The following SLC2A9 variants were observed in gnomAD, a reference collection of about 807,000 sequenced individuals.
SLC2A9 encodes the protein solute carrier family 2, facilitated glucose transporter member 9.
SLC2A9 carries 39 observed loss-of-function variants against 50.6 expected under a neutral mutation model. The observed-to-expected ratio is 0.77, with a 90% CI of 0.60 to 1.01. The LOEUF (loss-of-function observed/expected upper bound fraction) is 1.01. Ranked by LOEUF, SLC2A9 falls within the 50% of genes least tolerant of loss-of-function variation. The pLI is 0.00. For synonymous variants in SLC2A9, 324 were observed against 276.9 expected (o/e 1.17, Z -1.69); for missense variants, 686 against 677.6 (o/e 1.01, Z -0.14).
intron 3 of SLC2A9, among the ~76,000 whole-genome samples, chr4:9,802,640 C>A (rs1203560572): frequency 1.4e-5 from 2 of 148,004 alleles, no homozygotes; most frequent in Non-Finnish European, 3.0e-5. Flanking sequence ...CGGCTCACTG[C>A]AAACCTTTAC....
chr4:9,798,777 A>C (rs1720922510), downstream of SLC2A9: 1 of 152,224 alleles, frequency 6.6e-6, no homozygotes. Context: ...CCAAGGCTCC[A>C]TTTCTAACTC....
At chr4:9,962,675 G>A (rs764201638) in intron 5 of SLC2A9, among the ~76,000 whole-genome samples, 37 of 152,128 alleles carry the variant, frequency 2.4e-4, no homozygotes, top group East Asian at 1.4e-3. Context: ...ATGTTTACCC[G>A]TGTAACAAAC....
upstream of SLC2A9, among the ~76,000 whole-genome samples, chr4:10,023,972 C>T (rs1479072013): frequency 2.0e-5 from 3 of 152,208 alleles, no homozygotes; most frequent in Admixed American, 1.3e-4. Context: ...GGCTGGGGCA[C>T]GTTCTGCCTG....
chr4:9,805,335 G>A (rs995557667), intron 3 of SLC2A9, among the ~76,000 whole-genome samples: 1 of 152,182 alleles, frequency 6.6e-6, no homozygotes, highest in East Asian at 1.9e-4. Flanking sequence ...CTGCTCAGAC[G>A]CAACACACAT....
intron 10 of SLC2A9, among the ~76,000 whole-genome samples, chr4:9,886,468 G>C (rs1349956444): frequency 7.9e-6 from 1 of 126,576 alleles, no homozygotes; most frequent in Non-Finnish European, 1.6e-5. Flanking sequence ...GTGTGTGTGT[G>C]TGTGTGCTGT....
At chr4:10,039,659 C>T (rs1182816766) in intron 1 of SLC2A9, among the ~76,000 whole-genome samples, 2 of 152,172 alleles carry the variant, frequency 1.3e-5, no homozygotes, top group African/African-American at 4.8e-5. Flanking sequence ...CACTGTCATC[C>T]TCCTGGTCCA....
chr4:10,033,008 C>T (rs965738867), intron 1 of SLC2A9, among the ~76,000 whole-genome samples: 4 of 152,284 alleles, frequency 2.6e-5, no homozygotes, highest in African/African-American at 9.6e-5. Flanking sequence ...CCGAGCTGTT[C>T]ACTAAACCTT....
chr4:10,037,158 C>T (rs969068889), intron 1 of SLC2A9, among the ~76,000 whole-genome samples: 2 of 152,178 alleles, frequency 1.3e-5, no homozygotes, highest in African/African-American at 2.4e-5. Flanking sequence ...TACAATTTAA[C>T]GGTTTTTAGT....
intron 8 of SLC2A9, among the ~76,000 whole-genome samples, chr4:9,904,733 TTCAGAGTAGCC>T (rs1366852041): frequency 6.6e-6 from 1 of 152,206 alleles, no homozygotes; most frequent in Non-Finnish European, 1.5e-5. Context: ...AGGATTTGAA[TTCAGAGTAGCC>T]TCATCCTAAA....
chr4:10,000,528 T>C (rs1324028804), intron 2 of SLC2A9, among the ~76,000 whole-genome samples: 2 of 152,278 alleles, frequency 1.3e-5, no homozygotes, highest in East Asian at 3.9e-4. Flanking sequence ...TCTGGTTGCT[T>C]CACTCTGCTT....
In SLC2A9 at chr4:10,018,763, C is replaced by T. The variant is rs576614465; in HGVS notation, c.249+212G>A. On this transcript the variant is annotated intron_variant, in intron 2 of 11. Transcript: ENST00000264784. ...TTCTCCCAGGACACCCGCCCTCCAGCCGCAAGAACTGTCATCCCCCGCCCC... is the reference window on the plus strand; with the variant it reads ...TTCTCCCAGGACACCCGCCCTCCAGTCGCAAGAACTGTCATCCCCCGCCCC... 2.0e-5 allele frequency among the ~76,000 whole-genome samples: 3 copies of T among 152,208 alleles called. No individual in the cohort carries two copies. The East Asian group carries it at 5.8e-4, about 30-fold the overall frequency.
chr4:9,997,331 C>T (rs1436739175), intron 2 of SLC2A9, among the ~76,000 whole-genome samples: 3 of 152,142 alleles, frequency 2.0e-5, no homozygotes, highest in Non-Finnish European at 4.4e-5. Context: ...GATCTGACCC[C>T]AAGCTTATGA....
At chr4:9,858,623 C>A (rs1352732951) in intron 10 of SLC2A9, among the ~76,000 whole-genome samples, 1 of 152,118 alleles carries the variant, frequency 6.6e-6, no homozygotes, top group Non-Finnish European at 1.5e-5. Context: ...CTGAGAGTGT[C>A]CCCGGCAAAC....
At chr4:9,836,922 C>CA (rs1357249860) in intron 10 of SLC2A9, among the ~76,000 whole-genome samples, 1 of 152,156 alleles carries the variant, frequency 6.6e-6, no homozygotes, top group African/African-American at 2.4e-5. Flanking sequence ...ATTGCACATA[C>CA]ACAATCACTT....
chr4:10,039,713 G>T (rs1338304696), intron 1 of SLC2A9, among the ~76,000 whole-genome samples: 1 of 152,104 alleles, frequency 6.6e-6, no homozygotes, highest in Non-Finnish European at 1.5e-5. Context: ...CCTGCTGACT[G>T]GTCTCACCAT....
intron 3 of SLC2A9, among the ~76,000 whole-genome samples, chr4:9,814,561 G>A (rs1419942119): frequency 6.6e-6 from 1 of 152,142 alleles, no homozygotes; most frequent in South Asian, 2.1e-4. Flanking sequence ...TCTGTGAATT[G>A]ATTGTGTTCT....
At chr4:9,798,919 C>A (rs770333987), downstream of SLC2A9, 1 of 152,102 alleles carries the variant, frequency 6.6e-6, no homozygotes, top group Non-Finnish European at 1.5e-5. Context: ...GTAGAAGTTG[C>A]CTGGTGTATG....
At chr4:9,992,061 T>C (rs1757803652) in intron 3 of SLC2A9, among the ~76,000 whole-genome samples, 1 of 152,200 alleles carries the variant, frequency 6.6e-6, no homozygotes, top group Non-Finnish European at 1.5e-5. Context: ...AAATAGTCCT[T>C]TTGACAACCT....
intron 8 of SLC2A9, among the ~76,000 whole-genome samples, chr4:9,902,099 A>G (rs771796210): frequency 7.2e-5 from 11 of 152,140 alleles, no homozygotes; most frequent in African/African-American, 2.4e-4. Context: ...TTTGCCTGAC[A>G]TGCTCTTCCC....
Sources: allele counts gnomAD v4.1 joint callset (sites outside exome capture counted in the v4.1 genomes callset), GRCh38; gene constraint gnomAD v4.1.1; transcripts MANE v1.5; gene names NCBI Gene and HGNC (gene_info 2026-07-23, HGNC 2026-07-21).